The following LRRTM4 variants were observed in gnomAD, a reference collection of about 807,000 sequenced individuals.
The protein encoded by LRRTM4 is leucine rich repeat transmembrane neuronal 4.
In LRRTM4, 25 loss-of-function variants were observed where a neutral mutation model predicts 47.6. The observed-to-expected ratio is 0.53, with a 90% confidence interval of 0.38 to 0.73. The LOEUF (loss-of-function observed/expected upper bound fraction) is 0.73. Ranked by LOEUF, LRRTM4 falls within the 30% of genes least tolerant of loss-of-function variation. The pLI, the probability that LRRTM4 is intolerant of heterozygous loss-of-function variation, is 0.00. For synonymous variants in LRRTM4, 311 were observed against 269.5 expected, an observed-to-expected ratio of 1.15 and a Z score of -1.51; for missense variants, 638 against 713.4, an observed-to-expected ratio of 0.89 and a Z score of 1.20.
intron 3 of LRRTM4, among the ~76,000 whole-genome samples, chr2:77,482,523 T>TTAGAGA (rs1226104992): frequency 2.0e-5 from 3 of 152,170 alleles, no homozygotes; most frequent in Admixed American, 2.0e-4. Context: ...GATTTAAATT[T>TTAGAGA]TAGAGAAGTC....
At chr2:77,103,263 T>G (rs1214683117) in intron 3 of LRRTM4, among the ~76,000 whole-genome samples, 1 of 152,142 alleles carries the variant, frequency 6.6e-6, no homozygotes, top group Non-Finnish European at 1.5e-5. Flanking sequence ...AATAAAAATA[T>G]GTTTACCGCA....
chr2:76,879,288 C>A (rs190072518), intron 3 of LRRTM4, among the ~76,000 whole-genome samples: 4 of 152,086 alleles, frequency 2.6e-5, no homozygotes, highest in Admixed American at 1.3e-4. Context: ...AAAGCTTCGC[C>A]GGAAAGGGTG....
intron 3 of LRRTM4, among the ~76,000 whole-genome samples, chr2:77,359,725 T>C (rs1486550656): frequency 6.6e-6 from 1 of 152,218 alleles, no homozygotes; most frequent in Non-Finnish European, 1.5e-5. Flanking sequence ...ACAATTGCCT[T>C]AAGCCTAATT....
chr2:76,857,499 T>G (rs1672189881), intron 3 of LRRTM4, among the ~76,000 whole-genome samples: 1 of 151,888 alleles, frequency 6.6e-6, no homozygotes, highest in Admixed American at 6.6e-5. Context: ...AAAAGTTATA[T>G]ATGGATTTTT....
intron 3 of LRRTM4, among the ~76,000 whole-genome samples, chr2:76,817,940 T>C (rs567146903): frequency 6.6e-6 from 1 of 151,922 alleles, no homozygotes; most frequent in Non-Finnish European, 1.5e-5. Context: ...ATAATTCATA[T>C]AAGATAATCA....
chr2:77,420,628 A>G (rs1674837555), intron 3 of LRRTM4, among the ~76,000 whole-genome samples: 1 of 150,896 alleles, frequency 6.6e-6, no homozygotes, highest in Admixed American at 6.6e-5. Flanking sequence ...TATGTGATAT[A>G]TATATATATA....
chr2:76,946,090 T>C (rs139360960), intron 3 of LRRTM4, among the ~76,000 whole-genome samples: 1 of 151,998 alleles, frequency 6.6e-6, no homozygotes, highest in African/African-American at 2.4e-5. Context: ...TCTCTGTGGA[T>C]AATAATGCCT....
At chr2:76,989,855 G>A (rs1676941864) in intron 3 of LRRTM4, 1 of 151,766 alleles carries the variant, frequency 6.6e-6, no homozygotes. Flanking sequence ...TCAAAAAGAA[G>A]TGACTAAAAG....
rs1281098827 is a variant in LRRTM4 at position 77,334,151 on chromosome 2, C to T, written c.1551+184167G>A. Among the ~76,000 whole-genome samples, 11 of 152,206 alleles carry T rather than the reference C, an allele frequency of 7.2e-5. No individual in the cohort carries two copies. The East Asian group carries it at 1.2e-3, about 16-fold the overall frequency. ...TTGTATCTAGGAAGTAACTAACTTGCTTTTGATATTACAGACTCAAAGCCA... is the reference window on the plus strand; with the variant it reads ...TTGTATCTAGGAAGTAACTAACTTGTTTTTGATATTACAGACTCAAAGCCA... On this transcript the variant is annotated intron_variant, in intron 3 of 3. Transcript: ENST00000409884.
chr2:76,826,542 C>T (rs1280719856), intron 3 of LRRTM4, among the ~76,000 whole-genome samples: 1 of 150,402 alleles, frequency 6.6e-6, no homozygotes, highest in Non-Finnish European at 1.5e-5. Context: ...AGAAAAAATA[C>T]ATATATATGC....
chr2:77,483,247 A>G (rs1378215629), intron 3 of LRRTM4, among the ~76,000 whole-genome samples: 4 of 151,774 alleles, frequency 2.6e-5, no homozygotes, highest in Non-Finnish European at 5.9e-5. Flanking sequence ...CTTTTTCACT[A>G]TAGATGAAAA....
chr2:76,898,878 G>A (rs532322471), intron 3 of LRRTM4, among the ~76,000 whole-genome samples: 17 of 151,406 alleles, frequency 1.1e-4, no homozygotes, highest in African/African-American at 2.9e-4. Flanking sequence ...TTTTACATAC[G>A]TTGTAGACCA....
intron 3 of LRRTM4, among the ~76,000 whole-genome samples, chr2:77,438,469 C>T (rs183545359): frequency 0.011 from 1,497 of 139,390 alleles, 15 homozygotes; most frequent in South Asian, 0.033. Context: ...TGTAGTGGCG[C>T]GATCTCGGCT....
At chr2:77,274,283 C>T (rs1022180752) in intron 3 of LRRTM4, among the ~76,000 whole-genome samples, 2 of 152,022 alleles carry the variant, frequency 1.3e-5, no homozygotes, top group Non-Finnish European at 2.9e-5. Flanking sequence ...AGATAAAACC[C>T]AAGGGTTTTA....
At chr2:77,095,738 G>C (rs1670794147) in intron 3 of LRRTM4, among the ~76,000 whole-genome samples, 1 of 151,988 alleles carries the variant, frequency 6.6e-6, no homozygotes, top group Admixed American at 6.6e-5. Flanking sequence ...TCCGACTCCT[G>C]ACCTTCAGGT....
intron 3 of LRRTM4, among the ~76,000 whole-genome samples, chr2:76,936,138 C>G (rs997023708): frequency 6.6e-6 from 1 of 152,122 alleles, no homozygotes; most frequent in Non-Finnish European, 1.5e-5. Context: ...AACATGCTCA[C>G]GTATGTTTAT....
At chr2:77,512,358 G>A (rs1679052907) in intron 3 of LRRTM4, among the ~76,000 whole-genome samples, 2 of 151,954 alleles carry the variant, frequency 1.3e-5, no homozygotes, top group Admixed American at 1.3e-4. Flanking sequence ...ATGGCTTATG[G>A]AGTGCATGAG....
At chr2:77,501,980 A>G (rs1678586429) in intron 3 of LRRTM4, among the ~76,000 whole-genome samples, 1 of 151,440 alleles carries the variant, frequency 6.6e-6, no homozygotes, top group South Asian at 2.1e-4. Flanking sequence ...AAATTGAAAT[A>G]TCACTATAAA....
At chr2:77,370,520 G>T (rs928700756) in intron 3 of LRRTM4, among the ~76,000 whole-genome samples, 2 of 151,500 alleles carry the variant, frequency 1.3e-5, no homozygotes. Context: ...GTAAATGAGA[G>T]AATATTTATA....
Sources: allele counts gnomAD v4.1 joint callset (sites outside exome capture counted in the v4.1 genomes callset), GRCh38; gene constraint gnomAD v4.1.1; transcripts MANE v1.5; gene names NCBI Gene and HGNC (gene_info 2026-07-23, HGNC 2026-07-21).